Variants in HCLS1 observed in about 807,000 individuals in gnomAD.
HCLS1 encodes hematopoietic cell-specific Lyn substrate 1.
HCLS1 carries 44 observed loss-of-function variants against 68.6 expected under a neutral mutation model. That is an observed-to-expected ratio of 0.64 (90% confidence interval 0.50 to 0.82). HCLS1 has a LOEUF of 0.82. Among genes scored for constraint, HCLS1 ranks in the 40% least tolerant of loss-of-function variants. HCLS1 has a pLI of 0.00. For synonymous variants in HCLS1, 217 were observed against 225.8 expected, an observed-to-expected ratio of 0.96 and a Z score of 0.35; for missense variants, 602 against 612.1, an observed-to-expected ratio of 0.98 and a Z score of 0.17.
Position 121,633,177 on chromosome 3 carries a change from G to C in HCLS1, c.904-6C>G. ...GTCCCAACTGGAGGCCAGGCCTGTG[G>C]AAAATGAAGCATCTCTCAAGTAAGC... On this transcript the variant is annotated splice_polypyrimidine_tract_variant and splice_region_variant and intron_variant, in intron 10 of 13. Transcript: ENST00000314583. 1 of 1,574,718 alleles carries C rather than the reference G, an allele frequency of 6.4e-7. No individual in the cohort carries two copies. Among genetic ancestry groups the C allele is most frequent in the Non-Finnish European group, 8.7e-7 (1 of 1,155,442 alleles).
At chr3:121,655,060 T>C (rs765844895) in intron 3 of HCLS1, among the ~76,000 whole-genome samples, 7 of 152,158 alleles carry the variant, frequency 4.6e-5, no homozygotes, top group African/African-American at 9.7e-5. Flanking sequence ...CCTGGGTAAA[T>C]GGGAGATGAG....
chr3:121,650,046 C>T (rs923146123), intron 3 of HCLS1, among the ~76,000 whole-genome samples: 1 of 152,114 alleles, frequency 6.6e-6, no homozygotes, highest in African/African-American at 2.4e-5. Context: ...ACATACTGGC[C>T]ATAAACATTT....
intron 1 of HCLS1, among the ~76,000 whole-genome samples, chr3:121,660,195 T>A (rs1308990652): frequency 6.6e-6 from 1 of 152,138 alleles, no homozygotes; most frequent in Non-Finnish European, 1.5e-5. Flanking sequence ...GATTAAGAAA[T>A]ACTAACTTTA....
intron 1 of HCLS1, among the ~76,000 whole-genome samples, chr3:121,659,326 C>T (rs138115518): frequency 2.3e-4 from 35 of 152,216 alleles, no homozygotes; most frequent in Non-Finnish European, 4.4e-4. Flanking sequence ...ACAGACAATG[C>T]TCATCTGCTG....
At chr3:121,644,781 T>C (rs1379319988) in intron 5 of HCLS1, 37 bp downstream of exon 5, 1 of 1,412,168 alleles carries the variant, frequency 7.1e-7, no homozygotes, top group African/African-American at 1.4e-5. Flanking sequence ...TTCACAGGAC[T>C]GGAGGTGGGT....
intron 9 of HCLS1, among the ~76,000 whole-genome samples, chr3:121,635,195 TTTC>T (rs879268400): frequency 7.9e-5 from 12 of 151,618 alleles, no homozygotes; most frequent in South Asian, 2.1e-4. Flanking sequence ...TCTCTCTTTC[TTTC>T]TTTTCTTTCT....
chr3:121,651,699 C>T (rs1309049437), intron 3 of HCLS1, among the ~76,000 whole-genome samples: 1 of 152,162 alleles, frequency 6.6e-6, no homozygotes, highest in East Asian at 1.9e-4. Flanking sequence ...GGATTACAGG[C>T]ATGAGCCACT....
Position 121,632,432 on chromosome 3 carries a change from G to A in HCLS1, c.1140C>T (p.Asp380=), listed in dbSNP as rs781073897. ...PEPEPENDYE[D]VEEMDRHEQE... is the part of the protein sequence containing the mutation. ...GCTCATGCCTGTCCATCTCCTCAACGTCCTCATAGTCATTCTCAGGCTCGG... is the reference window on the plus strand; with the variant it reads ...GCTCATGCCTGTCCATCTCCTCAACATCCTCATAGTCATTCTCAGGCTCGG... Residue 380 remains aspartate (D), a synonymous_variant, in exon 12 of 14, where the codon GAC becomes GAT. Transcript: ENST00000314583. 1.1e-5 allele frequency: 17 copies of A among 1,605,586 alleles called. No individual in the cohort carries two copies. Among genetic ancestry groups the A allele is most frequent in the East Asian group, 4.5e-5 (2 of 44,424 alleles).
At position 121,652,514 on chromosome 3, in the gene HCLS1, C is replaced by T. The variant is rs183020118; in HGVS notation, c.158+4765G>A. 2.6e-5 allele frequency among the ~76,000 whole-genome samples: 4 copies of T among 152,046 alleles called. No individual in the cohort carries two copies. The East Asian group carries it at 7.8e-4, about 29-fold the overall frequency. Reference sequence around the variant, plus strand: ...ACTAAAAATACACAAATTAGCTGGGCAAGGTGGCACATGCCTGTAATCCCA... The same window carrying T: ...ACTAAAAATACACAAATTAGCTGGGTAAGGTGGCACATGCCTGTAATCCCA... On this transcript the variant is annotated intron_variant, in intron 3 of 13. Coordinates refer to ENST00000314583, the MANE Select transcript of HCLS1 (RefSeq NM_005335.6).
rs1164316904 is a variant in HCLS1, at chr3:121,631,923, C to T, written c.1384G>A (p.Asp462Asn). ...CAACGTCCCCGCCACCAGCCCTCGT[C>T]CACCATCTCAATGTCAGTGATTACG... Reference protein sequence around the residue: ...DDVITDIEMVDEGWWRGRCHG... With the variant: ...DDVITDIEMVNEGWWRGRCHG... Residue 462 changes from aspartate (D) to asparagine (N), a missense_variant, in exon 14 of 14, where the codon GAC (aspartate) becomes AAC (asparagine). By Grantham distance (23) the Asp-to-Asn change is conservative. Coordinates refer to ENST00000314583, the MANE Select transcript of HCLS1 (RefSeq NM_005335.6). The T allele has an allele frequency of 6.2e-7, 1 of 1,614,192 alleles. No individual in the cohort carries two copies. Among genetic ancestry groups the T allele is most frequent in the South Asian group, 1.1e-5 (1 of 91,066 alleles).
intron 6 of HCLS1, among the ~76,000 whole-genome samples, chr3:121,642,674 G>A (rs1228343783): frequency 6.6e-6 from 1 of 152,048 alleles, no homozygotes; most frequent in African/African-American, 2.4e-5. Flanking sequence ...TACTCAGAAC[G>A]CTGAGGTGGG....
intron 10 of HCLS1, among the ~76,000 whole-genome samples, chr3:121,633,391 T>A (rs953732726): frequency 6.6e-6 from 1 of 152,174 alleles, no homozygotes; most frequent in Non-Finnish European, 1.5e-5. Context: ...AATTTTTGTA[T>A]TTTTAATAGA....
chr3:121,647,610 G>C (rs1252844728), intron 3 of HCLS1, 162 bp from the exon 4 acceptor site: 1 of 607,722 alleles, frequency 1.6e-6, no homozygotes, highest in Non-Finnish European at 2.8e-6. Context: ...AGATCAGTCT[G>C]GCCTGCATAC....
intron 4 of HCLS1, 77 bp from the exon 5 acceptor site, chr3:121,645,005 T>C (rs1434177683): frequency 9.2e-7 from 1 of 1,089,324 alleles, no homozygotes; most frequent in Non-Finnish European, 1.4e-6. Context: ...TGGAGTGGGA[T>C]GTAGGCATGT....
chr3:121,653,072 A>G (rs889852322), intron 3 of HCLS1, among the ~76,000 whole-genome samples: 1 of 152,174 alleles, frequency 6.6e-6, no homozygotes, highest in African/African-American at 2.4e-5. Flanking sequence ...ACATAATGAG[A>G]TATCTTGGGG....
chr3:121,640,422 A>G (rs2049186041), intron 6 of HCLS1, among the ~76,000 whole-genome samples: 1 of 152,146 alleles, frequency 6.6e-6, no homozygotes, highest in Non-Finnish European at 1.5e-5. Flanking sequence ...ACAAACCATC[A>G]AGGAAATAAA....
chr3:121,655,688 T>TTTG lies in HCLS1; in HGVS notation c.158+1590_158+1591insCAA, dbSNP rs1238379850. The TTTG allele has an allele frequency of 9.5e-5, 14 of 147,888 alleles. 1 individual carries two copies. Among genetic ancestry groups the TTTG allele is most frequent in the African/African-American group, 3.2e-4 (13 of 40,716 alleles). 9.2% of individuals were successfully genotyped at this position (147,888 alleles called of 1,614,324 possible). On this transcript the variant is annotated intron_variant, in intron 3 of 13. Transcript: ENST00000314583. ...AGGAAAAGGGTCTTGTGGTTTTTTT[T>TTTG]TTTTTTTTTTTGATCTATGAGTCTA...
At chr3:121,652,950 C>T (rs938672559) in intron 3 of HCLS1, among the ~76,000 whole-genome samples, 3 of 152,184 alleles carry the variant, frequency 2.0e-5, no homozygotes, top group Admixed American at 1.3e-4. Flanking sequence ...CCCATGGAGT[C>T]AGACTGAGCC....
At position 121,631,739 on chromosome 3, in the gene HCLS1, T is replaced by A; in HGVS notation, c.*107A>T. 2.3e-6 allele frequency: 3 copies of A among 1,280,196 alleles called. No homozygotes were observed. The highest frequency in any genetic ancestry group is 3.3e-6 in the Non-Finnish European group (3 of 909,654). The allele number at this position is 1,280,196 out of a possible 1,614,324, so 79.3% of individuals were successfully genotyped here. Reference sequence around the variant, plus strand: ...TAATGAAGCAGGAGAGGGAAGTCTGTCCAGAACCTCATCTGGTTAGACATT... The same window carrying A: ...TAATGAAGCAGGAGAGGGAAGTCTGACCAGAACCTCATCTGGTTAGACATT... On this transcript the variant is annotated 3_prime_UTR_variant, in exon 14 of 14. Transcript: ENST00000314583.
Sources: allele counts gnomAD v4.1 joint callset (sites outside exome capture counted in the v4.1 genomes callset), GRCh38; gene constraint gnomAD v4.1.1; transcripts MANE v1.5; gene names NCBI Gene and HGNC (gene_info 2026-07-23, HGNC 2026-07-21).